IL1RAPL1: variants seen among roughly 807,000 people sequenced by gnomAD.
IL1RAPL1 encodes the protein interleukin-1 receptor accessory protein-like 1.
A neutral mutation model predicts 48.4 loss-of-function variants in IL1RAPL1; 3 were observed. The observed-to-expected ratio is 0.06, with a 90% CI of 0.03 to 0.16. The LOEUF (loss-of-function observed/expected upper bound fraction) is 0.16, where lower values mean the gene tolerates loss of function less well. Among genes scored for constraint, IL1RAPL1 ranks in the 10% least tolerant of loss-of-function variants. The pLI is 1.00. For synonymous variants in IL1RAPL1, 185 were observed against 187.7 expected (o/e 0.99, Z 0.12); for missense variants, 349 against 530.6 (o/e 0.66, Z 3.36).
At chrX:29,447,855 A>T (rs1291803970) in intron 5 of IL1RAPL1, among the ~76,000 whole-genome samples, 1 of 112,359 alleles carries the variant, frequency 8.9e-6, no homozygotes, top group Non-Finnish European at 1.9e-5. Context: ...AAATCCATTC[A>T]TTAATAAAGG....
At chrX:29,155,083 C>G (rs929062551) in intron 2 of IL1RAPL1, among the ~76,000 whole-genome samples, 1 of 108,836 alleles carries the variant, frequency 9.2e-6, no homozygotes, top group South Asian at 4.1e-4. Flanking sequence ...TCTTGGCTCA[C>G]TGCAACCTCC....
intron 5 of IL1RAPL1, among the ~76,000 whole-genome samples, chrX:29,490,973 GGTT>G (rs1935154593): frequency 9.1e-6 from 1 of 110,497 alleles, no homozygotes. Context: ...ATAAATATGT[GGTT>G]GTTGTATTTT....
chrX:28,662,277 A>G (rs1410406793), intron 1 of IL1RAPL1, among the ~76,000 whole-genome samples: 1 of 111,330 alleles, frequency 9.0e-6, no homozygotes, highest in Non-Finnish European at 1.9e-5. Context: ...GCGGGCCTCC[A>G]GGGAAGGTTT....
chrX:29,741,947 A>G (rs895023015), intron 6 of IL1RAPL1, among the ~76,000 whole-genome samples: 1 of 107,367 alleles, frequency 9.3e-6, no homozygotes, highest in Non-Finnish European at 1.9e-5. Flanking sequence ...AAAAAAAAAA[A>G]AAAAAAAAGA....
At chrX:29,878,270 T>A (rs1038909853) in intron 6 of IL1RAPL1, among the ~76,000 whole-genome samples, 2 of 111,770 alleles carry the variant, frequency 1.8e-5, no homozygotes, top group African/African-American at 6.5e-5. Context: ...TCTCTGTCAT[T>A]TCTCTAGCGT....
Position 29,933,577 on chromosome X carries a change from A to AT in IL1RAPL1, c.1058-8070dup, listed in dbSNP as rs767097244. Among the ~76,000 whole-genome samples the AT allele has an allele frequency of 9.2e-4, 97 of 105,867 alleles. 1 individual carries two copies. The highest frequency in any genetic ancestry group is 3.3e-3 in the African/African-American group (96 of 28,773). 91.9% of individuals were successfully genotyped at this position (105,867 alleles called of 115,157 possible). ...TTCTTAATCATCTAATCAGTCATTCATTTTCACTGAATATCTTTAATGTGT... is the reference window on the plus strand; with the variant it reads ...TTCTTAATCATCTAATCAGTCATTCATTTTTCACTGAATATCTTTAATGTGT... On this transcript the variant is annotated intron_variant, in intron 8 of 10. Coordinates refer to ENST00000378993, the MANE Select transcript of IL1RAPL1 (RefSeq NM_014271.4).
intron 1 of IL1RAPL1, among the ~76,000 whole-genome samples, chrX:28,662,895 C>T (rs956726330): frequency 2.7e-4 from 30 of 111,192 alleles, no homozygotes; most frequent in Non-Finnish European, 4.7e-4. Flanking sequence ...TTCTGACTTA[C>T]CAGGTTTGAA....
intron 2 of IL1RAPL1, among the ~76,000 whole-genome samples, chrX:28,818,231 ATT>A (rs1393326838): frequency 9.0e-6 from 1 of 110,827 alleles, no homozygotes; most frequent in Non-Finnish European, 1.9e-5. Flanking sequence ...GGGGATTGCT[ATT>A]TTGTTAAGGC....
chrX:29,303,884 G>A (rs1162318179), intron 3 of IL1RAPL1, among the ~76,000 whole-genome samples: 1 of 111,903 alleles, frequency 8.9e-6, no homozygotes, highest in African/African-American at 3.2e-5. Context: ...CAAAAAAGCT[G>A]CCTTTGTTAA....
intron 1 of IL1RAPL1, among the ~76,000 whole-genome samples, chrX:28,692,263 A>T (rs1365447527): frequency 9.0e-6 from 1 of 111,025 alleles, no homozygotes; most frequent in Non-Finnish European, 1.9e-5. Flanking sequence ...ACAACACCAC[A>T]CTGGAGATCA....
At chrX:29,806,593 A>G (rs1239678358) in intron 6 of IL1RAPL1, among the ~76,000 whole-genome samples, 1 of 110,598 alleles carries the variant, frequency 9.0e-6, no homozygotes, top group African/African-American at 3.3e-5. Context: ...ACAATATAGT[A>G]CTAACTTCAG....
At chrX:29,627,335 G>A (rs1379134045) in intron 5 of IL1RAPL1, among the ~76,000 whole-genome samples, 1 of 112,059 alleles carries the variant, frequency 8.9e-6, no homozygotes, top group African/African-American at 3.2e-5. Context: ...TTTGGTTTTG[G>A]TTTTCCAGAA....
chrX:29,913,250 G>A (rs553241407), intron 6 of IL1RAPL1, among the ~76,000 whole-genome samples: 4 of 109,984 alleles, frequency 3.6e-5, no homozygotes, highest in Admixed American at 9.8e-5. Flanking sequence ...TTGCTTAGCC[G>A]CACAAATTTG....
intron 8 of IL1RAPL1, among the ~76,000 whole-genome samples, chrX:29,925,262 C>G (rs1286172369): frequency 1.8e-5 from 2 of 109,944 alleles, no homozygotes; most frequent in Non-Finnish European, 3.8e-5. Flanking sequence ...GATACTTTTA[C>G]TGAGTCTTAG....
intron 1 of IL1RAPL1, among the ~76,000 whole-genome samples, chrX:28,722,264 A>G (rs1181608832): frequency 9.0e-6 from 1 of 110,970 alleles, no homozygotes; most frequent in African/African-American, 3.3e-5. Context: ...ATCCTCTTTT[A>G]TTTCATTGAG....
chrX:28,700,575 T>G (rs1279610498), intron 1 of IL1RAPL1, among the ~76,000 whole-genome samples: 1 of 109,331 alleles, frequency 9.1e-6, no homozygotes, highest in Non-Finnish European at 1.9e-5. Flanking sequence ...GGGATACATG[T>G]GCAAAACGTG....
intron 5 of IL1RAPL1, among the ~76,000 whole-genome samples, chrX:29,422,814 T>C (rs748165003): frequency 9.0e-6 from 1 of 111,506 alleles, no homozygotes; most frequent in Non-Finnish European, 1.9e-5. Context: ...GAAAAACCTA[T>C]GTAAACCAAA....
At chrX:29,147,819 C>T (rs890607427) in intron 2 of IL1RAPL1, among the ~76,000 whole-genome samples, 1 of 111,910 alleles carries the variant, frequency 8.9e-6, no homozygotes, top group Non-Finnish European at 1.9e-5. Context: ...TGATAAATAA[C>T]ACAGCCTTGT....
chrX:28,858,722 G>C (rs908342845), intron 2 of IL1RAPL1, among the ~76,000 whole-genome samples: 1 of 112,535 alleles, frequency 8.9e-6, no homozygotes, highest in Non-Finnish European at 1.9e-5. Flanking sequence ...TCGCGTTATT[G>C]AGGCATTTGT....
Sources: allele counts gnomAD v4.1 joint callset (sites outside exome capture counted in the v4.1 genomes callset), GRCh38; gene constraint gnomAD v4.1.1; transcripts MANE v1.5; gene names NCBI Gene and HGNC (gene_info 2026-07-23, HGNC 2026-07-21).